The following ARHGAP18 variants were observed in gnomAD, a reference collection of about 807,000 sequenced individuals.
The protein encoded by ARHGAP18 is rho GTPase-activating protein 18.
ARHGAP18 carries 67 observed loss-of-function variants against 86.2 expected under a neutral mutation model. The observed-to-expected ratio is 0.78, with a 90% CI of 0.64 to 0.95. The LOEUF is 0.95. ARHGAP18 is among the 40% of genes least tolerant of loss of function. The pLI, the probability that ARHGAP18 is intolerant of heterozygous loss-of-function variation, is 0.00. For synonymous variants in ARHGAP18, 283 were observed against 280.4 expected (o/e 1.01, Z -0.09); for missense variants, 691 against 780.4 (o/e 0.89, Z 1.37).
intron 1 of ARHGAP18, among the ~76,000 whole-genome samples, chr6:129,695,039 T>C (rs2114550169): frequency 6.6e-6 from 1 of 152,294 alleles, no homozygotes; most frequent in Non-Finnish European, 1.5e-5. Context: ...AAATGTACAA[T>C]TTTTAACATT....
intron 13 of ARHGAP18, among the ~76,000 whole-genome samples, chr6:129,583,418 T>C (rs562630613): frequency 6.6e-6 from 1 of 152,294 alleles, no homozygotes; most frequent in East Asian, 1.9e-4. Flanking sequence ...TGACTCTCCC[T>C]GCCCCATCAA....
chr6:129,688,127 C>T lies in ARHGAP18; in HGVS notation c.113+21897G>A, dbSNP rs1774463589. Among the ~76,000 whole-genome samples, 3 of 152,314 alleles carry T rather than the reference C, an allele frequency of 2.0e-5. No individual in the cohort carries two copies. The Middle Eastern group carries it at 0.01, about 518-fold the overall frequency. ...TTTAAGACTTTCCACAAAGTGGCCTCAACCTCTCGTTCCAGTCTTTTCTTC... is the reference window on the plus strand; with the variant it reads ...TTTAAGACTTTCCACAAAGTGGCCTTAACCTCTCGTTCCAGTCTTTTCTTC... On this transcript the variant is annotated intron_variant, in intron 1 of 14. Coordinates refer to ENST00000368149, the MANE Select transcript of ARHGAP18 (RefSeq NM_033515.3).
intron 13 of ARHGAP18, among the ~76,000 whole-genome samples, chr6:129,583,451 C>G (rs1788328494): frequency 6.6e-6 from 1 of 152,154 alleles, no homozygotes; most frequent in South Asian, 2.1e-4. Context: ...GATGAAGGAC[C>G]TGTTGTCCTT....
intron 12 of ARHGAP18, chr6:129,598,941 G>GGTGT (rs71028166): frequency 1.7e-3 from 370 of 212,380 alleles, no homozygotes; most frequent in Middle Eastern, 4.3e-3. Context: ...GGGGTGTAGG[G>GGTGT]GTGTGTGTGT....
At chr6:129,638,048 C>G (rs1451426785) in intron 3 of ARHGAP18, among the ~76,000 whole-genome samples, 3 of 152,144 alleles carry the variant, frequency 2.0e-5, no homozygotes, top group Non-Finnish European at 2.9e-5. Flanking sequence ...GAAGAATACC[C>G]TAATCCTACT....
chr6:129,602,140 A>G (rs1788760096), intron 10 of ARHGAP18, among the ~76,000 whole-genome samples: 2 of 152,104 alleles, frequency 1.3e-5, no homozygotes, highest in South Asian at 4.1e-4. Context: ...TTTGTTCTAG[A>G]ACAACAGTAA....
At chr6:129,621,773 TTA>T (rs774010958) in intron 5 of ARHGAP18, among the ~76,000 whole-genome samples, 16 of 152,104 alleles carry the variant, frequency 1.1e-4, no homozygotes, top group Admixed American at 7.9e-4. Flanking sequence ...ATAATAATAA[TTA>T]TCTTATCGAA....
At chr6:129,604,680 C>T (rs1190913309) in intron 10 of ARHGAP18, among the ~76,000 whole-genome samples, 1 of 152,172 alleles carries the variant, frequency 6.6e-6, no homozygotes, top group Non-Finnish European at 1.5e-5. Context: ...GAATATAACC[C>T]TTTCTGAGTT....
intron 12 of ARHGAP18, among the ~76,000 whole-genome samples, chr6:129,590,386 A>T (rs1457815431): frequency 6.6e-6 from 1 of 152,168 alleles, no homozygotes; most frequent in Non-Finnish European, 1.5e-5. Flanking sequence ...GATAGTTAAG[A>T]GTTTTAATAG....
At chr6:129,634,290 T>C (rs572806659) in intron 3 of ARHGAP18, among the ~76,000 whole-genome samples, 185 bp from the exon 4 acceptor site, 1 of 152,162 alleles carries the variant, frequency 6.6e-6, no homozygotes, top group Non-Finnish European at 1.5e-5. Context: ...TTTTATTACC[T>C]ACAACTTGTA....
rs576545645 is a variant in ARHGAP18, at chr6:129,689,699, TA to T, written c.113+20324del. On this transcript the variant is annotated intron_variant, in intron 1 of 14. Coordinates refer to ENST00000368149, the MANE Select transcript of ARHGAP18 (RefSeq NM_033515.3). Reference sequence around the variant, plus strand: ...CCACTTAAACATTATAGGTTCGCATTAAAATGCCCTTTCAGCATAATTGCAG... The same window carrying T: ...CCACTTAAACATTATAGGTTCGCATTAAATGCCCTTTCAGCATAATTGCAG... Among the ~76,000 whole-genome samples, 504 of 152,336 alleles carry T rather than the reference TA, an allele frequency of 3.3e-3. 1 individual carries two copies. Among genetic ancestry groups the T allele is most frequent in the Non-Finnish European group, 5.0e-3 (337 of 68,030 alleles).
At chr6:129,694,365 A>C (rs957663435) in intron 1 of ARHGAP18, among the ~76,000 whole-genome samples, 3 of 152,232 alleles carry the variant, frequency 2.0e-5, no homozygotes, top group Admixed American at 6.5e-5. Flanking sequence ...CTGTTTCATC[A>C]TCAGTAAAAT....
chr6:129,687,914 G>A (rs1774457976), intron 1 of ARHGAP18, among the ~76,000 whole-genome samples: 1 of 151,364 alleles, frequency 6.6e-6, no homozygotes, highest in Non-Finnish European at 1.5e-5. Flanking sequence ...GGGTAGATCT[G>A]AGATACAAAA....
chr6:129,578,742 T>C (rs1788229753), intron 14 of ARHGAP18, 138 bp from the exon 15 acceptor site: 4 of 578,456 alleles, frequency 6.9e-6, no homozygotes, highest in African/African-American at 1.9e-5. Context: ...GGTGGGCAGA[T>C]TGGTTGAGAT....
intron 1 of ARHGAP18, among the ~76,000 whole-genome samples, chr6:129,650,732 T>G (rs1164074842): frequency 6.6e-6 from 1 of 152,230 alleles, no homozygotes; most frequent in Non-Finnish European, 1.5e-5. Context: ...GACCTGATGT[T>G]CTTTCTCCAG....
At chr6:129,618,108 A>C (rs1424172430) in intron 6 of ARHGAP18, among the ~76,000 whole-genome samples, 1 of 144,022 alleles carries the variant, frequency 6.9e-6, no homozygotes, top group Non-Finnish European at 1.5e-5. Context: ...TACTTACAAA[A>C]AAAACAAAAA....
intron 1 of ARHGAP18, among the ~76,000 whole-genome samples, chr6:129,680,298 A>C (rs766572923): frequency 1.1e-4 from 16 of 152,246 alleles, no homozygotes; most frequent in Non-Finnish European, 2.2e-4. Context: ...GAGCATTTAC[A>C]GTTCTGCTCC....
chr6:129,583,489 G>A (rs1286269159), intron 13 of ARHGAP18, among the ~76,000 whole-genome samples: 1 of 152,162 alleles, frequency 6.6e-6, no homozygotes, highest in Non-Finnish European at 1.5e-5. Context: ...CTCCCCTTGA[G>A]ACTTCAGCGC....
chr6:129,580,819 G>A (rs568829630), intron 13 of ARHGAP18, among the ~76,000 whole-genome samples: 5 of 152,192 alleles, frequency 3.3e-5, no homozygotes, highest in Middle Eastern at 3.4e-3. Flanking sequence ...ATGTTGCAGT[G>A]AGCTGAGATT....
Sources: gnomAD v4.1 joint callset for allele counts (sites outside exome capture counted in the v4.1 genomes callset) on GRCh38, gnomAD v4.1.1 for gene constraint, MANE v1.5 for transcripts, NCBI Gene and HGNC (gene_info 2026-07-23, HGNC 2026-07-21) for gene names.